The following CCDC33 variants were observed in gnomAD, a reference collection of about 807,000 sequenced individuals.
The protein encoded by CCDC33 is coiled-coil domain-containing protein 33.
In CCDC33, 94 loss-of-function variants were observed where a neutral mutation model predicts 91.9. The observed-to-expected ratio is 1.02, with a 90% CI of 0.87 to 1.21. The LOEUF (loss-of-function observed/expected upper bound fraction) is 1.21, where lower values mean the gene tolerates loss of function less well. Ranked by LOEUF, CCDC33 falls within the 50% of genes most tolerant of loss-of-function variation. CCDC33 has a pLI of 0.00. For synonymous variants in CCDC33, 396 were observed against 374.5 expected, an observed-to-expected ratio of 1.06 and a Z score of -0.66; for missense variants, 940 against 935.5, an observed-to-expected ratio of 1.00 and a Z score of -0.06.
intron 5 of CCDC33, among the ~76,000 whole-genome samples, chr15:74,269,852 C>A (rs1198490015): frequency 6.6e-6 from 1 of 152,220 alleles, no homozygotes; most frequent in Non-Finnish European, 1.5e-5. Context: ...GGAACTTCTG[C>A]TACTTCCCAG....
upstream of CCDC33, among the ~76,000 whole-genome samples, chr15:74,213,996 C>G (rs2074391888): frequency 6.6e-6 from 1 of 152,114 alleles, no homozygotes; most frequent in Non-Finnish European, 1.5e-5. Context: ...ATCCTTGGCT[C>G]CAGAGAACTC....
At chr15:74,315,459 T>G (rs1453268033) in intron 11 of CCDC33, among the ~76,000 whole-genome samples, 2 of 152,198 alleles carry the variant, frequency 1.3e-5, no homozygotes, top group Non-Finnish European at 2.9e-5. Context: ...CCTAGCCTCC[T>G]CATACCTCAC....
chr15:74,290,629 T>G (rs2059568572), intron 10 of CCDC33, among the ~76,000 whole-genome samples: 1 of 152,122 alleles, frequency 6.6e-6, no homozygotes. Flanking sequence ...CAAGGGTGCT[T>G]CAGGCAAAGG....
intron 1 of CCDC33, among the ~76,000 whole-genome samples, chr15:74,239,602 C>T (rs1304183290): frequency 6.6e-6 from 1 of 152,236 alleles, no homozygotes; most frequent in Non-Finnish European, 1.5e-5. Context: ...AGCCCAGCCT[C>T]TCATCCACTG....
chr15:74,330,697 G>A lies in CCDC33; in HGVS notation c.1491G>A (p.Leu497=), dbSNP rs778477758. The A allele has an allele frequency of 2.5e-6, 4 of 1,613,706 alleles. No individual in the cohort carries two copies. In the Admixed American group the frequency reaches 6.7e-5, roughly 27 times the overall value. The change falls in exon 13 of 19, where the codon CTG becomes CTA. Residue 497 remains leucine (L), a synonymous_variant. Coordinates refer to ENST00000398814, the MANE Select transcript of CCDC33 (RefSeq NM_025055.5). The stretch of plus-strand genomic sequence containing the variant: ...AGCAGAAACTGCTGCTGAGTGAGCT[G>A]GATATGAAGAAACTGAGGGACAGGG... ...SMKQKLLLSE[L]DMKKLRDRVQ... is the part of the protein sequence containing the mutation.
chr15:74,333,174 C>A, intron 16 of CCDC33: 3 of 1,448,550 alleles, frequency 2.1e-6, no homozygotes, highest in South Asian at 1.2e-5. Flanking sequence ...CCTTCTGGAG[C>A]ATTCCCTGGT....
At chr15:74,232,816 G>A (rs190158445), upstream of CCDC33, among the ~76,000 whole-genome samples, 25 of 152,258 alleles carry the variant, frequency 1.6e-4, no homozygotes, top group African/African-American at 5.5e-4. Flanking sequence ...TTTTTTCCCT[G>A]CTAACCAACT....
rs766750967 is a variant in CCDC33, at chr15:74,334,955, G to A, written c.2026-20G>A. On this transcript the variant is annotated intron_variant, in intron 17 of 18. Transcript: ENST00000398814. ...CCCTGCTGCCCATGGTCCTCCAATTGTCCCTCTCTGTGTCTGCAGTTAGAG... is the reference window on the plus strand; with the variant it reads ...CCCTGCTGCCCATGGTCCTCCAATTATCCCTCTCTGTGTCTGCAGTTAGAG... The A allele has an allele frequency of 3.8e-6, 6 of 1,590,326 alleles. No homozygotes were observed. The highest frequency in any genetic ancestry group is 5.2e-6 in the Non-Finnish European group (6 of 1,158,438).
chr15:74,331,391 C>T (rs980861390), intron 15 of CCDC33, 95 bp downstream of exon 15: 4 of 1,237,134 alleles, frequency 3.2e-6, no homozygotes, highest in East Asian at 2.5e-5. Flanking sequence ...GGAGAACCTG[C>T]GAAGAGGTCC....
chr15:74,210,045 G>A (rs2074346380), intron 2 of CCDC33, among the ~76,000 whole-genome samples: 1 of 152,188 alleles, frequency 6.6e-6, no homozygotes, highest in South Asian at 2.1e-4. Flanking sequence ...GGAGAGGCAG[G>A]GAGAGAGGGA....
intron 1 of CCDC33, among the ~76,000 whole-genome samples, chr15:74,239,787 T>G (rs939291906): frequency 3.9e-5 from 6 of 151,980 alleles, no homozygotes; most frequent in African/African-American, 1.5e-4. Flanking sequence ...TCCCCAGGGC[T>G]CACCACACCC....
downstream of CCDC33, chr15:74,336,417 C>A: frequency 7.7e-7 from 1 of 1,305,708 alleles, no homozygotes; most frequent in Non-Finnish European, 1.0e-6. Context: ...ACGAGGGAGG[C>A]TTGTCCTTTT....
chr15:74,222,766 G>A (rs1163025678), intron 2 of CCDC33, among the ~76,000 whole-genome samples: 1 of 150,246 alleles, frequency 6.7e-6, no homozygotes, highest in Non-Finnish European at 1.5e-5. Context: ...GCGTCCCCTC[G>A]GCCACCCCTA....
intron 2 of CCDC33, among the ~76,000 whole-genome samples, chr15:74,252,219 G>C (rs568635427): frequency 1.3e-5 from 2 of 152,182 alleles, no homozygotes; most frequent in African/African-American, 4.8e-5. Flanking sequence ...TTCCAGAGAA[G>C]ATGCAGTGAC....
Position 74,218,049 on chromosome 15 carries a change from A to G in CCDC33, c.311-448A>G, listed in dbSNP as rs1191662013. Among the ~76,000 whole-genome samples the G allele has an allele frequency of 6.6e-6, 1 of 151,932 alleles. No homozygotes were observed. Among genetic ancestry groups the G allele is most frequent in the African/African-American group, 2.4e-5 (1 of 41,340 alleles). On this transcript the variant is annotated intron_variant, in intron 1 of 2. Coordinates refer to the CCDC33 transcript ENST00000635913. The surrounding 1 kb of genome is among the most constrained non-coding windows in gnomAD (Gnocchi z 4.8). ...AGCAGGTGGAGAGGAAGGAACTCCA[A>G]GCAGAGAAAAGTAAAGTGAGCTGGA...
chr15:74,319,192 T>C (rs2060156858), intron 11 of CCDC33, among the ~76,000 whole-genome samples: 1 of 152,272 alleles, frequency 6.6e-6, no homozygotes. Flanking sequence ...TCTTCCCCTT[T>C]GGCAAGAATC....
chr15:74,232,736 C>G (rs373904772), upstream of CCDC33, among the ~76,000 whole-genome samples: 22 of 152,352 alleles, frequency 1.4e-4, no homozygotes, highest in East Asian at 9.6e-4. Context: ...CAGGACTGCT[C>G]TGAGGGCCGA....
intron 11 of CCDC33, chr15:74,304,559 TTAAG>T (rs1486036194): frequency 6.6e-6 from 1 of 152,148 alleles, no homozygotes; most frequent in African/African-American, 2.4e-5. Flanking sequence ...TGCAGAGAGA[TTAAG>T]TGTTTGTCGA....
intron 11 of CCDC33, among the ~76,000 whole-genome samples, chr15:74,310,004 A>T (rs1482300740): frequency 6.6e-6 from 1 of 152,172 alleles, no homozygotes; most frequent in Non-Finnish European, 1.5e-5. Context: ...TTAAAAAATT[A>T]ACCAAGCATG....
Sources: gnomAD v4.1 joint callset for allele counts (sites outside exome capture counted in the v4.1 genomes callset) on GRCh38, gnomAD v4.1.1 for gene constraint, Gnocchi (gnomAD v3.1) non-coding constraint, MANE v1.5 for transcripts, NCBI Gene and HGNC (gene_info 2026-07-23, HGNC 2026-07-21) for gene names.